Variants in RCN3 observed in about 807,000 individuals in gnomAD.
RCN3 encodes reticulocalbin 3, also known as reticulocalbin-3.
RCN3 carries 41 observed loss-of-function variants against 35.9 expected under a neutral mutation model. That is an observed-to-expected ratio of 1.14 (90% CI 0.89 to 1.48). The LOEUF is 1.48. RCN3 is among the 40% of genes most tolerant of loss of function. The pLI is 0.00. For synonymous variants in RCN3, 187 were observed against 193.4 expected (o/e 0.97, Z 0.27); for missense variants, 451 against 471.3 (o/e 0.96, Z 0.40).
intron 2 of RCN3, among the ~76,000 whole-genome samples, chr19:49,532,563 A>G (rs1324793618): frequency 6.6e-6 from 1 of 151,906 alleles, no homozygotes; most frequent in African/African-American, 2.4e-5. Context: ...TTTAGTAGAG[A>G]CGGTTTCACC....
intron 2 of RCN3, among the ~76,000 whole-genome samples, chr19:49,533,614 G>A (rs2080119354): frequency 6.6e-6 from 1 of 152,060 alleles, no homozygotes; most frequent in Non-Finnish European, 1.5e-5. Context: ...GCCTGATTCA[G>A]CCGGGAGCAG....
rs1268220080 is a variant in RCN3 at position 49,543,418 on chromosome 19, G to A, written c.*205G>A. On this transcript the variant is annotated 3_prime_UTR_variant, in exon 7 of 7. Transcript: ENST00000270645. ...CCAGGGAGGGGCTGTCATAGTCCCA[G>A]AGGATAAGCAATACCTATTTCTGAC... 14 of 597,682 alleles carry A rather than the reference G, an allele frequency of 2.3e-5. No homozygotes were observed. In the East Asian group the frequency reaches 3.9e-4, roughly 17 times the overall value. The allele number at this position is 597,682 out of a possible 1,614,324, so 37.0% of individuals were successfully genotyped here.
intron 5 of RCN3, among the ~76,000 whole-genome samples, chr19:49,540,120 ACTTT>A (rs538404364): frequency 2.1e-4 from 31 of 149,754 alleles, no homozygotes; most frequent in Non-Finnish European, 4.4e-4. Flanking sequence ...TCCTTCTCTC[ACTTT>A]CTTTCTTTCT....
chr19:49,541,824 A>T (rs1213097787), intron 5 of RCN3, among the ~76,000 whole-genome samples: 2 of 151,858 alleles, frequency 1.3e-5, no homozygotes, highest in South Asian at 2.1e-4. Context: ...TACTAAAAAT[A>T]TAAAAATTAG....
At chr19:49,537,266 C>A in intron 4 of RCN3, 61 bp downstream of exon 4, 1 of 1,417,262 alleles carries the variant, frequency 7.1e-7, no homozygotes, top group Non-Finnish European at 9.3e-7. Flanking sequence ...GCTTCCGGTT[C>A]AGGTCCTGCT....
chr19:49,532,625 C>A (rs892533452), intron 2 of RCN3, among the ~76,000 whole-genome samples: 1 of 152,008 alleles, frequency 6.6e-6, no homozygotes, highest in Non-Finnish European at 1.5e-5. Flanking sequence ...CTGCCCACTT[C>A]GGCCTCCCAA....
chr19:49,542,565 C>A lies in RCN3; in HGVS notation c.692C>A (p.Ser231Ter). ...QVEEYIADLY[S>*]AEPGEEEPAW... Reference sequence around the variant, plus strand: ...TCCCGGCCCCCAGCGGATCTGTACTCAGCCGAGCCTGGGGAGGAGGAGCCG... The same window carrying A: ...TCCCGGCCCCCAGCGGATCTGTACTAAGCCGAGCCTGGGGAGGAGGAGCCG... The change falls in exon 6 of 7, where the codon TCA becomes TAA. Residue 231 changes from serine (S) to a stop codon, truncating the protein, a stop_gained. Transcript: ENST00000270645. LOFTEE classifies it high-confidence loss of function. 1 of 1,599,678 alleles carries A rather than the reference C, an allele frequency of 6.3e-7. No individual in the cohort carries two copies.
At chr19:49,532,798 C>T (rs1167048970) in intron 2 of RCN3, among the ~76,000 whole-genome samples, 5 of 152,198 alleles carry the variant, frequency 3.3e-5, no homozygotes, top group Non-Finnish European at 7.3e-5. Context: ...GCGTCAGCCT[C>T]CAGAGTAGCT....
intron 1 of RCN3, 106 bp from the exon 2 acceptor site, chr19:49,528,361 C>T: frequency 4.4e-6 from 5 of 1,136,344 alleles, no homozygotes; most frequent in Non-Finnish European, 4.7e-6. Flanking sequence ...AGCCAACTTC[C>T]AACTCCCTGT....
intron 2 of RCN3, among the ~76,000 whole-genome samples, chr19:49,533,652 A>G (rs1382128808): frequency 8.3e-6 from 1 of 121,018 alleles, no homozygotes; most frequent in Non-Finnish European, 1.6e-5. Context: ...GGCTCAGCAC[A>G]GGGCAGGGCT....
At chr19:49,539,433 T>TCTATACCAGACACAAAAAGCATCTATTGA (rs1568712051) in intron 5 of RCN3, among the ~76,000 whole-genome samples, 7 of 152,096 alleles carry the variant, frequency 4.6e-5, no homozygotes, top group African/African-American at 1.7e-4. Context: ...GAGCACCTAC[T>TCTATACCAGACACAAAAAGCATCTATTGA]GCATATGGGT....
chr19:49,534,484 C>T, intron 3 of RCN3, 89 bp downstream of exon 3: 1 of 1,380,508 alleles, frequency 7.2e-7, no homozygotes, highest in Non-Finnish European at 9.7e-7. Context: ...AACCCATTTA[C>T]CCGGAGTCCC....
Position 49,537,116 on chromosome 19 carries a change from C to G in RCN3, c.529C>G (p.Gln177Glu), listed in dbSNP as rs1355355898. Residue 177 changes from glutamine to glutamate, a missense_variant, in exon 4 of 7, where the codon CAG (glutamine) becomes GAG (glutamate). Transcript: ENST00000270645. ...RDERRFRVAD[Q>E]DGDSMATREE... is the part of the protein sequence containing the mutation. ...CGAGCGGCGTTTCCGGGTGGCCGAC[C>G]AGGATGGGGACTCGATGGCCACTCG... 6.3e-7 allele frequency: 1 copy of G among 1,598,114 alleles called. No homozygotes were observed. Among genetic ancestry groups the G allele is most frequent in the Admixed American group, 1.7e-5 (1 of 58,596 alleles).
intron 2 of RCN3, among the ~76,000 whole-genome samples, chr19:49,531,680 G>A (rs1416677974): frequency 6.6e-6 from 1 of 152,204 alleles, no homozygotes; most frequent in African/African-American, 2.4e-5. Flanking sequence ...CTGGCTGGGA[G>A]ATTGTGCTTG....
At position 49,540,476 on chromosome 19, in the gene RCN3, C is replaced by T. The variant is rs150975620; in HGVS notation, c.679+1297C>T. The stretch of plus-strand genomic sequence containing the variant: ...GTGTACTAAAAATACAAAAATTAGC[C>T]GGGCCTGTTGGCAGGAGCCTGTAAT... On this transcript the variant is annotated intron_variant, in intron 5 of 6. Transcript: ENST00000270645. Among the ~76,000 whole-genome samples, 957 of 152,110 alleles carry T rather than the reference C, an allele frequency of 6.3e-3. 6 individuals carry two copies. The highest frequency in any genetic ancestry group is 0.024 in the Middle Eastern group (7 of 294).
intron 3 of RCN3, among the ~76,000 whole-genome samples, chr19:49,535,938 CAT>C (rs997195732): frequency 1.4e-5 from 2 of 145,024 alleles, no homozygotes; most frequent in African/African-American, 2.6e-5. Context: ...TGTTATATAA[CAT>C]ATTATATACT....
intron 3 of RCN3, among the ~76,000 whole-genome samples, chr19:49,535,919 CTAA>C (rs1164225160): frequency 2.0e-5 from 3 of 147,696 alleles, no homozygotes; most frequent in Admixed American, 1.4e-4. Context: ...CACACACATA[CTAA>C]TAATATGTTA....
At chr19:49,530,458 C>G (rs1208178290) in intron 2 of RCN3, among the ~76,000 whole-genome samples, 1 of 150,958 alleles carries the variant, frequency 6.6e-6, no homozygotes. Context: ...GCGTGAGCCA[C>G]AGCACCCAGC....
intron 2 of RCN3, among the ~76,000 whole-genome samples, chr19:49,533,233 A>C (rs1347083474): frequency 6.6e-6 from 1 of 152,192 alleles, no homozygotes; most frequent in Non-Finnish European, 1.5e-5. Context: ...GTGGGGCCCT[A>C]GACAGACTGG....
Sources: allele counts gnomAD v4.1 joint callset (sites outside exome capture counted in the v4.1 genomes callset), GRCh38; gene constraint gnomAD v4.1.1; transcripts MANE v1.5; gene names NCBI Gene and HGNC (gene_info 2026-07-23, HGNC 2026-07-21).